NRXN3: variants seen among roughly 807,000 people sequenced by gnomAD.
NRXN3 encodes neurexin 3.
NRXN3 carries 32 observed loss-of-function variants against 137.6 expected under a neutral mutation model. That is an observed-to-expected ratio of 0.23 (90% CI 0.18 to 0.31). The LOEUF is 0.31. Ranked by LOEUF, NRXN3 falls within the 10% of genes least tolerant of loss-of-function variation. The pLI is 1.00. For missense variants in NRXN3, 1,574 were observed against 2,062.5 expected, an observed-to-expected ratio of 0.76 and a Z score of 4.59; for synonymous variants, 798 against 784.5, an observed-to-expected ratio of 1.02 and a Z score of -0.29.
intron 20 of NRXN3, among the ~76,000 whole-genome samples, chr14:79,843,512 A>G (rs2099360560): frequency 1.3e-5 from 2 of 152,184 alleles, no homozygotes; most frequent in Non-Finnish European, 2.9e-5. Context: ...GATTTTTCTT[A>G]TCACAAAAGA....
At chr14:79,232,904 T>G (rs944472711) in intron 15 of NRXN3, among the ~76,000 whole-genome samples, 1 of 152,192 alleles carries the variant, frequency 6.6e-6, no homozygotes, top group African/African-American at 2.4e-5. Flanking sequence ...TATGTATAAT[T>G]GTTGTCATAC....
At chr14:79,501,361 T>C (rs2096824719) in intron 16 of NRXN3, among the ~76,000 whole-genome samples, 1 of 152,130 alleles carries the variant, frequency 6.6e-6, no homozygotes, top group South Asian at 2.1e-4. Context: ...TCTTGTTCTG[T>C]TTTTATTATT....
At chr14:79,546,327 G>T (rs1236713854) in intron 16 of NRXN3, among the ~76,000 whole-genome samples, 1 of 152,150 alleles carries the variant, frequency 6.6e-6, no homozygotes, top group East Asian at 1.9e-4. Context: ...AAAATAAGGT[G>T]CCAGATACAT....
At chr14:78,831,502 T>G (rs1458218743) in intron 10 of NRXN3, among the ~76,000 whole-genome samples, 1 of 113,304 alleles carries the variant, frequency 8.8e-6, no homozygotes, top group Non-Finnish European at 1.6e-5. Flanking sequence ...GCCACTACAC[T>G]CCAGCCTGGG....
Position 78,548,055 on chromosome 14 carries a change from T to A in NRXN3, c.758-97065T>A, listed in dbSNP as rs562888473. 5.6e-4 allele frequency among the ~76,000 whole-genome samples: 86 copies of A among 152,348 alleles called. 1 individual carries two copies. The highest frequency in any genetic ancestry group is 1.9e-3 in the African/African-American group (79 of 41,600). On this transcript the variant is annotated intron_variant, in intron 4 of 20. Coordinates refer to ENST00000335750, the MANE Select transcript of NRXN3 (RefSeq NM_001330195.2). ...ATTTTAGTTAAAATTAGAATGCATT[T>A]AGGGATGTCCCTTGTTATCTATATT...
At chr14:78,520,169 G>T (rs1250494235) in intron 4 of NRXN3, among the ~76,000 whole-genome samples, 1 of 152,086 alleles carries the variant, frequency 6.6e-6, no homozygotes, top group Non-Finnish European at 1.5e-5. Flanking sequence ...TTCACTCACT[G>T]GCCCTGCCAG....
intron 15 of NRXN3, among the ~76,000 whole-genome samples, chr14:79,456,514 C>A (rs187141191): frequency 6.6e-6 from 1 of 152,204 alleles, no homozygotes; most frequent in African/African-American, 2.4e-5. Context: ...ATCACTTGAA[C>A]CCAGGAGTTT....
chr14:78,788,846 A>G (rs2098797054), intron 8 of NRXN3, among the ~76,000 whole-genome samples: 1 of 152,132 alleles, frequency 6.6e-6, no homozygotes, highest in Non-Finnish European at 1.5e-5. Flanking sequence ...GAGTCCCAAC[A>G]AGGTTTTACC....
intron 1 of NRXN3, among the ~76,000 whole-genome samples, chr14:78,213,767 G>C (rs896026858): frequency 6.6e-6 from 1 of 152,146 alleles, no homozygotes; most frequent in African/African-American, 2.4e-5. Flanking sequence ...ACCCTCATAG[G>C]GGAGGGCCAG....
At chr14:78,880,022 G>T (rs2152635747) in intron 10 of NRXN3, among the ~76,000 whole-genome samples, 1 of 150,350 alleles carries the variant, frequency 6.7e-6, no homozygotes, top group Non-Finnish European at 1.5e-5. Context: ...GGCGGATCAC[G>T]AGGTCAGGAG....
intron 15 of NRXN3, among the ~76,000 whole-genome samples, chr14:79,396,017 C>T (rs781652363): frequency 1.3e-5 from 2 of 152,082 alleles, no homozygotes; most frequent in African/African-American, 2.4e-5. Flanking sequence ...TATATACATG[C>T]TATGCACATA....
intron 14 of NRXN3, among the ~76,000 whole-genome samples, chr14:78,985,373 T>G (rs528886266): frequency 6.6e-6 from 1 of 152,306 alleles, no homozygotes; most frequent in African/African-American, 2.4e-5. Flanking sequence ...GAGGATTATA[T>G]GAGGAGAAGA....
chr14:78,938,178 T>C (rs943427727), intron 10 of NRXN3, among the ~76,000 whole-genome samples: 9 of 152,346 alleles, frequency 5.9e-5, no homozygotes, highest in Admixed American at 5.2e-4. Context: ...TTGATTAAAG[T>C]GATGATGAGT....
intron 15 of NRXN3, among the ~76,000 whole-genome samples, chr14:79,024,236 C>T (rs970627612): frequency 1.3e-5 from 2 of 152,142 alleles, no homozygotes; most frequent in African/African-American, 4.8e-5. Flanking sequence ...TCTATAACTT[C>T]AGGCCATCAA....
intron 4 of NRXN3, among the ~76,000 whole-genome samples, chr14:78,593,614 T>C (rs969662594): frequency 1.4e-4 from 22 of 152,172 alleles, no homozygotes; most frequent in African/African-American, 5.1e-4. Flanking sequence ...GGTTCCTTAA[T>C]ACTTGTCTTC....
chr14:78,194,217 G>A (rs1447934676), intron 1 of NRXN3, among the ~76,000 whole-genome samples: 1 of 152,218 alleles, frequency 6.6e-6, no homozygotes, highest in African/African-American at 2.4e-5. Context: ...TTGGCGTTTT[G>A]ATAGGCAACG....
In NRXN3 at chr14:79,580,882, G is replaced by GA. The variant is rs550929618; in HGVS notation, c.3445-82887dup. Among the ~76,000 whole-genome samples the GA allele has an allele frequency of 4.2e-4, 64 of 150,658 alleles. No individual in the cohort carries two copies. The South Asian group carries it at 0.013, about 30-fold the overall frequency. ...TTGGGGAGGGGTGTGCACGGTATAA[G>GA]AAAAAAAAATGTGGGCCTAATCCTT... is the stretch of plus-strand genomic sequence containing the variant. On this transcript the variant is annotated intron_variant, in intron 16 of 20. Coordinates refer to ENST00000335750, the MANE Select transcript of NRXN3 (RefSeq NM_001330195.2).
chr14:79,158,744 TATG>T, intron 15 of NRXN3, among the ~76,000 whole-genome samples: 1 of 151,882 alleles, frequency 6.6e-6, no homozygotes, highest in Admixed American at 6.6e-5. Context: ...TTTTGTAAGC[TATG>T]ATACCAGTGA....
At chr14:79,449,260 T>G (rs2096123567) in intron 15 of NRXN3, among the ~76,000 whole-genome samples, 1 of 152,174 alleles carries the variant, frequency 6.6e-6, no homozygotes, top group Non-Finnish European at 1.5e-5. Flanking sequence ...ACAGTGCTTT[T>G]TAAAGGAATT....
Sources: allele counts gnomAD v4.1 joint callset (sites outside exome capture counted in the v4.1 genomes callset), GRCh38; gene constraint gnomAD v4.1.1; transcripts MANE v1.5; gene names NCBI Gene and HGNC (gene_info 2026-07-23, HGNC 2026-07-21).